Variants in SENP2 observed in about 807,000 individuals in gnomAD.
SENP2 encodes the protein SUMO specific peptidase 2.
Under a neutral mutation model 86.3 loss-of-function variants are expected in SENP2, and 16 were observed. That is an observed-to-expected ratio of 0.19 (90% CI 0.13 to 0.28). The LOEUF (loss-of-function observed/expected upper bound fraction) is 0.28. SENP2 is among the 10% of genes least tolerant of loss of function. SENP2 has a pLI of 1.00. For synonymous variants in SENP2, 222 were observed against 238.7 expected (o/e 0.93, Z 0.64); for missense variants, 552 against 703.0 (o/e 0.79, Z 2.43).
At chr3:185,613,295 G>A (rs1722754035) in intron 9 of SENP2, 50 bp from the exon 10 acceptor site, 1 of 1,063,752 alleles carries the variant, frequency 9.4e-7, no homozygotes, top group Admixed American at 1.9e-5. Flanking sequence ...GGATGTACTA[G>A]GTTTGAATCA....
At position 185,632,214 on chromosome 3, in the gene SENP2, T is replaced by G. The variant is rs560567014; in HGVS notation, c.*2370T>G. 21 of 53,990 alleles carry G rather than the reference T, an allele frequency of 3.9e-4. No homozygotes were observed. Among genetic ancestry groups the G allele is most frequent in the South Asian group, 3.4e-3 (3 of 876 alleles). 3.3% of individuals were successfully genotyped at this position (53,990 alleles called of 1,614,324 possible). On this transcript the variant is annotated 3_prime_UTR_variant, in exon 17 of 17. Transcript: ENST00000296257. ...AAATTATCACCATTAAAGCCAGTGGTTTTTTTTTTGTTTTTTTTTTTTGTT... is the reference window on the plus strand; with the variant it reads ...AAATTATCACCATTAAAGCCAGTGGGTTTTTTTTTGTTTTTTTTTTTTGTT...
At chr3:185,594,110 A>G (rs1393842228) in intron 2 of SENP2, among the ~76,000 whole-genome samples, 1 of 151,402 alleles carries the variant, frequency 6.6e-6, no homozygotes, top group Non-Finnish European at 1.5e-5. Flanking sequence ...TTTTTAAGCC[A>G]AAAAAGGAAG....
intron 11 of SENP2, among the ~76,000 whole-genome samples, chr3:185,617,031 C>T (rs556150651): frequency 8.5e-5 from 13 of 152,172 alleles, no homozygotes; most frequent in South Asian, 4.2e-4. Context: ...GTGGTTAATA[C>T]GTAGTAGTAG....
chr3:185,619,809 C>T (rs2148993276), intron 13 of SENP2, among the ~76,000 whole-genome samples: 1 of 152,124 alleles, frequency 6.6e-6, no homozygotes, highest in Non-Finnish European at 1.5e-5. Flanking sequence ...CTCATTGCAG[C>T]CTGGAAGTCC....
intron 6 of SENP2, chr3:185,607,015 C>T (rs974792343): frequency 4.0e-6 from 1 of 249,786 alleles, no homozygotes; most frequent in Non-Finnish European, 8.0e-6. Flanking sequence ...GAGTGAGACT[C>T]TTGTCACCCA....
Position 185,614,553 on chromosome 3 carries a change from T to G in SENP2, c.934-11T>G, listed in dbSNP as rs1711531529. 1.9e-6 allele frequency: 3 copies of G among 1,589,134 alleles called. No homozygotes were observed. Among genetic ancestry groups the G allele is most frequent in the Non-Finnish European group, 2.6e-6 (3 of 1,170,146 alleles). On this transcript the variant is annotated splice_polypyrimidine_tract_variant and intron_variant, in intron 10 of 16. Transcript: ENST00000296257. ...AACATGTCAGTAGAATTTAGATAAT[T>G]TTTTGATCAGAGGAGGGGATACCAA...
intron 10 of SENP2, 152 bp from the exon 11 acceptor site, chr3:185,614,412 G>T: frequency 1.3e-6 from 1 of 755,314 alleles, no homozygotes. Context: ...CCCCTTGCAG[G>T]GACAGACAGA....
intron 1 of SENP2, among the ~76,000 whole-genome samples, chr3:185,587,180 T>TGGAGTGCAC (rs1453104455): frequency 6.6e-6 from 1 of 152,230 alleles, no homozygotes; most frequent in African/African-American, 2.4e-5. Flanking sequence ...TCGCCCAGGC[T>TGGAGTGCAC]GGAGTGCAGT....
intron 11 of SENP2, among the ~76,000 whole-genome samples, chr3:185,617,058 C>A (rs898813333): frequency 2.6e-5 from 4 of 152,124 alleles, no homozygotes; most frequent in African/African-American, 7.2e-5. Flanking sequence ...TGAGACTATA[C>A]TTTAGATGTA....
Position 185,598,535 on chromosome 3 carries a change from C to G in SENP2, c.281C>G (p.Pro94Arg). The change falls in exon 3 of 17, where the codon CCT becomes CGT. Residue 94 changes from proline (P) to arginine (R), a missense_variant. This residue lies in a region of SENP2 where 383 missense variants were observed against 427.3 expected (regional missense o/e 0.90). Coordinates refer to ENST00000296257, the MANE Select transcript of SENP2 (RefSeq NM_021627.3). Reference sequence around the variant, plus strand: ...TGTAATGGAACACGGAATGTGGCCCCTTCAGGAGAGGTCAGTGGGGATGAG... The same window carrying G: ...TGTAATGGAACACGGAATGTGGCCCGTTCAGGAGAGGTCAGTGGGGATGAG... The part of the protein sequence containing the change: ...SACNGTRNVA[P>R]SGEVFSNSSS... The G allele has an allele frequency of 6.2e-7, 1 of 1,614,002 alleles. No homozygotes were observed. Among genetic ancestry groups the G allele is most frequent in the Non-Finnish European group, 8.5e-7 (1 of 1,179,948 alleles).
At position 185,633,220 on chromosome 3, in the gene SENP2, C is replaced by T; in HGVS notation, c.*3376C>T. 1 of 152,174 alleles carries T rather than the reference C, an allele frequency of 6.6e-6. No homozygotes were observed. The highest frequency in any genetic ancestry group is 3.2e-3 in the Middle Eastern group (1 of 316). The allele number at this position is 152,174 out of a possible 1,614,324, so 9.4% of individuals were successfully genotyped here. ...GTATCCTAGTAGAAACAGTGAACCT[C>T]AGATATGAATAAATAAGCAAGAGAC... On this transcript the variant is annotated 3_prime_UTR_variant, in exon 17 of 17. Transcript: ENST00000296257.
Position 185,624,034 on chromosome 3 carries a change from T to C in SENP2, c.1563T>C (p.Asn521=), listed in dbSNP as rs1258187722. 2.5e-6 allele frequency: 4 copies of C among 1,612,884 alleles called. No homozygotes were observed. The highest frequency in any genetic ancestry group is 2.2e-5 in the East Asian group (1 of 44,802). The stretch of plus-strand genomic sequence containing the variant: ...AGGATGAAAGTAAGACCAAAAGAAA[T>C]AGTGATCTGAATCTTTTAGAGTGGA... ...YLQDESKTKR[N]SDLNLLEWTH... is the part of the protein sequence containing the mutation. Residue 521 remains asparagine (N), a synonymous_variant, in exon 15 of 17, where the codon AAT becomes AAC. Coordinates refer to ENST00000296257, the MANE Select transcript of SENP2 (RefSeq NM_021627.3).
chr3:185,621,470 A>C (rs1711887558), intron 13 of SENP2, among the ~76,000 whole-genome samples: 2 of 144,778 alleles, frequency 1.4e-5, no homozygotes, highest in African/African-American at 5.1e-5. Flanking sequence ...GCTCACTGCA[A>C]CCTCTGCCTC....
At chr3:185,598,578 G>T in intron 3 of SENP2, 33 bp downstream of exon 3, 1 of 1,594,384 alleles carries the variant, frequency 6.3e-7, no homozygotes, top group Non-Finnish European at 8.6e-7. Context: ...TAGGAATACT[G>T]ATCTTTATAC....
chr3:185,610,917 CA>C lies in SENP2; in HGVS notation c.723-733del, dbSNP rs1426845765. On this transcript the variant is annotated intron_variant, in intron 7 of 16. Transcript: ENST00000296257. ...AGCTTGCAGTGAGCAGAGATTGTGC[CA>C]CTGCACTCCAGCCTGAGCTACAGAT... Among the ~76,000 whole-genome samples the C allele has an allele frequency of 3.3e-5, 5 of 152,164 alleles. No individual in the cohort carries two copies. In the East Asian group the frequency reaches 9.7e-4, roughly 29 times the overall value.
rs1309123511 is a variant in SENP2, at chr3:185,598,635, ATAAT to A, written c.291+93_291+96del. ...ATTCTCTCTTCGAGAGTTAATGTGT[ATAAT>A]TACTTTTTTCCAGAAATATCTGTAT... On this transcript the variant is annotated intron_variant, in intron 3 of 16. Coordinates refer to ENST00000296257, the MANE Select transcript of SENP2 (RefSeq NM_021627.3). 12 of 1,314,354 alleles carry A rather than the reference ATAAT, an allele frequency of 9.1e-6. No homozygotes were observed. In the African/African-American group the frequency reaches 1.3e-4, roughly 15 times the overall value. The allele number at this position is 1,314,354 out of a possible 1,614,324, so 81.4% of individuals were successfully genotyped here. A position where few individuals can be genotyped will look rare whatever the true frequency, so the allele number is the denominator to read the frequency against.
chr3:185,608,829 A>G (rs1722597392), intron 6 of SENP2, among the ~76,000 whole-genome samples: 1 of 152,210 alleles, frequency 6.6e-6, no homozygotes, highest in Non-Finnish European at 1.5e-5. Flanking sequence ...AAAAGTGTCT[A>G]TTAAATGTAG....
intron 15 of SENP2, among the ~76,000 whole-genome samples, chr3:185,625,884 A>T (rs1712122308): frequency 6.6e-6 from 1 of 152,236 alleles, no homozygotes; most frequent in Non-Finnish European, 1.5e-5. Context: ...GGTTTCTTGG[A>T]ATGGGAGCTG....
intron 6 of SENP2, 106 bp downstream of exon 6, chr3:185,606,604 G>A: frequency 5.0e-6 from 5 of 998,026 alleles, no homozygotes; most frequent in South Asian, 3.8e-5. Context: ...ACCATTGTAG[G>A]TTTTCCTACA....
Sources: allele counts gnomAD v4.1 joint callset (sites outside exome capture counted in the v4.1 genomes callset), GRCh38; gene constraint gnomAD v4.1.1; regional missense constraint gnomAD v4.1.1; transcripts MANE v1.5; gene names NCBI Gene and HGNC (gene_info 2026-07-23, HGNC 2026-07-21).